GNG7: variants seen among roughly 807,000 people sequenced by gnomAD.
GNG7 encodes G protein subunit gamma 7, also known as guanine nucleotide-binding protein G(I)/G(S)/G(O) subunit gamma-7.
Under a neutral mutation model 4.0 loss-of-function variants are expected in GNG7, and 1 was observed. The ratio of observed to expected loss-of-function variants is 0.25; its 90% CI spans 0.09 to 1.18. The LOEUF is 1.18. Ranked by LOEUF, GNG7 falls within the 50% of genes most tolerant of loss-of-function variation. The pLI is 0.50. For synonymous variants in GNG7, 34 were observed against 36.9 expected (o/e 0.92, Z 0.29); for missense variants, 86 against 91.9 (o/e 0.94, Z 0.26).
At chr19:2,540,739 C>T (rs964327388) in intron 3 of GNG7, among the ~76,000 whole-genome samples, 12 of 152,212 alleles carry the variant, frequency 7.9e-5, no homozygotes, top group East Asian at 1.9e-4. Flanking sequence ...TCCCTCCTCC[C>T]GGGGAGACCT....
intron 3 of GNG7, among the ~76,000 whole-genome samples, chr19:2,553,804 G>GTGATA (rs1316984195): frequency 2.1e-5 from 2 of 95,806 alleles, no homozygotes; most frequent in Non-Finnish European, 2.0e-5. Context: ...CGTATCATGT[G>GTGATA]TAATATATCA....
chr19:2,520,700 A>C lies in GNG7; in HGVS notation c.-12T>G. On this transcript the variant is annotated 5_prime_UTR_variant, in exon 4 of 5. Coordinates refer to ENST00000382159, the MANE Select transcript of GNG7 (RefSeq NM_052847.3). ...TTAGTGGCTGACATTGTCTGCCATC[A>C]GCTCTGGGCCCCGTTGTTCAGAGAG... 6.6e-7 allele frequency: 1 copy of C among 1,505,446 alleles called. No homozygotes were observed. Among genetic ancestry groups the C allele is most frequent in the Non-Finnish European group, 9.1e-7 (1 of 1,104,920 alleles). 93.3% of individuals were successfully genotyped at this position (1,505,446 alleles called of 1,614,324 possible). A position where few individuals can be genotyped will look rare whatever the true frequency, so the allele number is the denominator to read the frequency against.
chr19:2,593,516 G>C (rs1293226984), intron 2 of GNG7, among the ~76,000 whole-genome samples: 1 of 152,108 alleles, frequency 6.6e-6, no homozygotes, highest in East Asian at 1.9e-4. Context: ...GGCTGAGGTA[G>C]GTGGATCACC....
chr19:2,618,546 G>C lies in GNG7; in HGVS notation c.-78+27678C>G, dbSNP rs1276107452. Among the ~76,000 whole-genome samples the C allele has an allele frequency of 2.0e-5, 3 of 151,766 alleles. No homozygotes were observed. In the East Asian group the frequency reaches 5.8e-4, roughly 29 times the overall value. ...GTATTTTCAGTGGAGACGGGGTTTC[G>C]CCATGTTGTCCAGGCTGGTCTCGAA... On this transcript the variant is annotated intron_variant, in intron 2 of 4. Coordinates refer to ENST00000382159, the MANE Select transcript of GNG7 (RefSeq NM_052847.3). The surrounding 1 kb of genome is among the most constrained non-coding windows in gnomAD (Gnocchi z 5.1).
At chr19:2,556,722 C>T (rs73518311) in intron 2 of GNG7, among the ~76,000 whole-genome samples, 8,497 of 152,178 alleles carry the variant, frequency 0.056, 812 homozygotes, top group African/African-American at 0.19. Context: ...TGCAGGAAGG[C>T]GGTGACTGAG....
intron 2 of GNG7, among the ~76,000 whole-genome samples, chr19:2,581,197 G>A (rs577915573): frequency 2.6e-5 from 4 of 152,092 alleles, no homozygotes; most frequent in Admixed American, 6.5e-5. Context: ...TGCCTTCGCC[G>A]CAGGCCCAGC....
At chr19:2,674,884 T>C (rs1347753564) in intron 1 of GNG7, among the ~76,000 whole-genome samples, 1 of 152,208 alleles carries the variant, frequency 6.6e-6, no homozygotes, top group Non-Finnish European at 1.5e-5. Context: ...CTTTTCTACA[T>C]AGTCAAGTTT....
At chr19:2,603,645 C>A (rs1285919478) in intron 2 of GNG7, among the ~76,000 whole-genome samples, 1 of 152,174 alleles carries the variant, frequency 6.6e-6, no homozygotes, top group Non-Finnish European at 1.5e-5. Flanking sequence ...TTTAGGAAAC[C>A]AACCATCTGG....
intron 1 of GNG7, among the ~76,000 whole-genome samples, chr19:2,657,403 C>CACACAA (rs1983025849): frequency 1.3e-5 from 1 of 77,972 alleles, no homozygotes; most frequent in Non-Finnish European, 2.5e-5. Flanking sequence ...TATATATACA[C>CACACAA]ATAATAACAT....
Position 2,626,948 on chromosome 19 carries a change from G to A in GNG7, c.-78+19276C>T, listed in dbSNP as rs1384871979. 1.3e-5 allele frequency among the ~76,000 whole-genome samples: 2 copies of A among 151,820 alleles called. No individual in the cohort carries two copies. The highest frequency in any genetic ancestry group is 1.9e-4 in the East Asian group (1 of 5,148). On this transcript the variant is annotated intron_variant, in intron 2 of 4. Transcript: ENST00000382159. The surrounding 1 kb of genome is among the most constrained non-coding windows in gnomAD (Gnocchi z 5.0). ...GGAGAGACCTGCTTTAATTATTTGG[G>A]AATAAACTGAGTGTCCTCCCTACTC...
chr19:2,698,491 G>A (rs1304423480), intron 1 of GNG7, among the ~76,000 whole-genome samples: 1 of 152,014 alleles, frequency 6.6e-6, no homozygotes, highest in Non-Finnish European at 1.5e-5. Context: ...TTGAGCCCTG[G>A]AGGCGGAGGT....
rs1312927356 is a variant in GNG7 at position 2,633,493 on chromosome 19, A to ACACACGCGCG, written c.-78+12730_-78+12731insCGCGCGTGTG. ...CAGGCGCGCGCGCGCGCGCGCACAC[A>ACACACGCGCG]CACACACACACACACACACACACAC... On this transcript the variant is annotated intron_variant, in intron 2 of 4. Transcript: ENST00000382159. The surrounding 1 kb of genome is among the most constrained non-coding windows in gnomAD (Gnocchi z 5.9). Among the ~76,000 whole-genome samples the ACACACGCGCG allele has an allele frequency of 3.1e-4, 36 of 115,202 alleles. No individual in the cohort carries two copies. The highest frequency in any genetic ancestry group is 1.1e-3 in the African/African-American group (34 of 31,546). The allele number at this position is 115,202 out of a possible 152,430, so 75.6% of individuals were successfully genotyped here.
Position 2,535,432 on chromosome 19 carries a change from G to A in GNG7, c.-37-14707C>T, listed in dbSNP as rs934462656. On this transcript the variant is annotated intron_variant, in intron 3 of 4. Transcript: ENST00000382159. ...GGAGAATCGCTTGAGCCCAGGAAGT[G>A]GAGGTTGCAGTGAGCCGAGATCATG... is the stretch of plus-strand genomic sequence containing the variant. Among the ~76,000 whole-genome samples the A allele has an allele frequency of 1.1e-4, 16 of 151,702 alleles. No homozygotes were observed. In the South Asian group the frequency reaches 1.5e-3, roughly 14 times the overall value.
At chr19:2,624,731 CCCAGCAGTG>C (rs372601295) in intron 2 of GNG7, among the ~76,000 whole-genome samples, 3,992 of 152,192 alleles carry the variant, frequency 0.026, 79 homozygotes, top group South Asian at 0.052. Flanking sequence ...GGAGGCTGAG[CCCAGCAGTG>C]CCTTCTGGGA....
rs545615807 is a variant in GNG7, at chr19:2,540,734, C to A, written c.-38+14415G>T. The stretch of plus-strand genomic sequence containing the variant: ...GGCAGCGGGACAGACTGGCTTCCCT[C>A]CTCCCGGGGAGACCTGCCGGAGCAA... On this transcript the variant is annotated intron_variant, in intron 3 of 4. Transcript: ENST00000382159. Among the ~76,000 whole-genome samples the A allele has an allele frequency of 3.1e-3, 466 of 152,338 alleles. 6 individuals are homozygous for A. The highest frequency in any genetic ancestry group is 2.9e-3 in the Non-Finnish European group (200 of 68,014).
intron 1 of GNG7, among the ~76,000 whole-genome samples, chr19:2,677,468 A>G (rs1036610395): frequency 1.3e-5 from 2 of 151,762 alleles, no homozygotes; most frequent in African/African-American, 4.8e-5. Flanking sequence ...CCCAGCCCTG[A>G]ATGCCAAGGG....
At chr19:2,551,078 C>T (rs1979303435) in intron 3 of GNG7, among the ~76,000 whole-genome samples, 1 of 152,322 alleles carries the variant, frequency 6.6e-6, no homozygotes, top group Admixed American at 6.5e-5. Context: ...GAGCTTGCGG[C>T]CTGGAGACAC....
At chr19:2,568,499 CAG>C (rs1404312331) in intron 2 of GNG7, among the ~76,000 whole-genome samples, 5 of 151,484 alleles carry the variant, frequency 3.3e-5, no homozygotes, top group African/African-American at 7.3e-5. Context: ...CGCACATACA[CAG>C]GGTCTCTGTG....
intron 3 of GNG7, among the ~76,000 whole-genome samples, chr19:2,531,034 A>G (rs1482892390): frequency 6.6e-6 from 1 of 151,824 alleles, no homozygotes; most frequent in Admixed American, 6.6e-5. Flanking sequence ...AGCTGGGCAC[A>G]GTGGCTCACG....
Sources: gnomAD v4.1 joint callset for allele counts (sites outside exome capture counted in the v4.1 genomes callset) on GRCh38, gnomAD v4.1.1 for gene constraint, Gnocchi (gnomAD v3.1) non-coding constraint, MANE v1.5 for transcripts, NCBI Gene and HGNC (gene_info 2026-07-23, HGNC 2026-07-21) for gene names.